Variants in RBFOX1 observed in about 807,000 individuals in gnomAD.
RBFOX1 encodes RNA binding fox-1 homolog 1.
RBFOX1 carries 8 observed loss-of-function variants against 57.7 expected under a neutral mutation model. That is an observed-to-expected ratio of 0.14 (90% CI 0.08 to 0.25). The LOEUF is 0.25. Among genes scored for constraint, RBFOX1 ranks in the 10% least tolerant of loss-of-function variants. The pLI, the probability that RBFOX1 is intolerant of heterozygous loss-of-function variation, is 1.00. For synonymous variants in RBFOX1, 326 were observed against 222.4 expected (o/e 1.47, Z -4.15); for missense variants, 611 against 548.5 (o/e 1.11, Z -1.14).
intron 2 of RBFOX1, among the ~76,000 whole-genome samples, chr16:6,573,020 G>C (rs999003708): frequency 6.6e-6 from 1 of 152,160 alleles, no homozygotes. Context: ...TCTATTAAGA[G>C]ATCAAGTCAA....
At chr16:5,494,027 G>C (rs1390649670) in intron 2 of RBFOX1, among the ~76,000 whole-genome samples, 2 of 152,212 alleles carry the variant, frequency 1.3e-5, no homozygotes, top group Non-Finnish European at 2.9e-5. Flanking sequence ...AGACTCACGA[G>C]GTGATTTACT....
intron 6 of RBFOX1, among the ~76,000 whole-genome samples, chr16:7,581,693 C>T (rs2093776498): frequency 6.6e-6 from 1 of 152,050 alleles, no homozygotes; most frequent in Non-Finnish European, 1.5e-5. Flanking sequence ...GGTCATCAGA[C>T]CTTGATCCAA....
intron 1 of RBFOX1, among the ~76,000 whole-genome samples, chr16:6,272,246 A>T (rs1182347717): frequency 2.0e-5 from 3 of 152,168 alleles, no homozygotes; most frequent in Non-Finnish European, 4.4e-5. Context: ...AAAATTCAAC[A>T]CCCATTCATG....
chr16:7,326,833 T>G (rs2096617983), intron 4 of RBFOX1, among the ~76,000 whole-genome samples: 2 of 152,134 alleles, frequency 1.3e-5, no homozygotes, highest in African/African-American at 4.8e-5. Flanking sequence ...GTGATGACCT[T>G]GGAAACATAG....
At chr16:6,830,215 C>A (rs1482902687) in intron 3 of RBFOX1, among the ~76,000 whole-genome samples, 1 of 152,176 alleles carries the variant, frequency 6.6e-6, no homozygotes, top group East Asian at 1.9e-4. Context: ...CCATGCCTGG[C>A]TGAATGTATT....
intron 2 of RBFOX1, among the ~76,000 whole-genome samples, chr16:6,506,894 T>A (rs2096112490): frequency 6.6e-6 from 1 of 152,088 alleles, no homozygotes; most frequent in Admixed American, 6.6e-5. Flanking sequence ...GTGATCCACC[T>A]GCCTTGGCCT....
chr16:7,157,838 G>C (rs1471390701), intron 4 of RBFOX1, among the ~76,000 whole-genome samples: 1 of 152,148 alleles, frequency 6.6e-6, no homozygotes, highest in Non-Finnish European at 1.5e-5. Flanking sequence ...ATAAAAATCT[G>C]ATAGTCTACT....
At chr16:5,753,347 A>C (rs924734843) in intron 3 of RBFOX1, among the ~76,000 whole-genome samples, 1 of 152,174 alleles carries the variant, frequency 6.6e-6, no homozygotes, top group Non-Finnish European at 1.5e-5. Flanking sequence ...ATTTTACACT[A>C]TGTGCCCTGA....
intron 1 of RBFOX1, among the ~76,000 whole-genome samples, chr16:6,122,360 A>G (rs1258875583): frequency 4.2e-5 from 1 of 23,888 alleles, no homozygotes; most frequent in East Asian, 0.011. Context: ...AAAGATAAAC[A>G]CACACACACA....
intron 2 of RBFOX1, among the ~76,000 whole-genome samples, chr16:6,448,669 C>A (rs1050901952): frequency 6.6e-6 from 1 of 152,140 alleles, no homozygotes; most frequent in Non-Finnish European, 1.5e-5. Context: ...TGATTGAGAA[C>A]CCATGCTGTC....
intron 2 of RBFOX1, among the ~76,000 whole-genome samples, chr16:6,377,569 C>T (rs574719851): frequency 2.0e-5 from 3 of 152,248 alleles, no homozygotes; most frequent in Admixed American, 6.5e-5. Flanking sequence ...ACAACATGCA[C>T]TTCAGTGGAA....
At chr16:6,508,559 T>C (rs2096172447) in intron 2 of RBFOX1, among the ~76,000 whole-genome samples, 1 of 152,144 alleles carries the variant, frequency 6.6e-6, no homozygotes, top group Non-Finnish European at 1.5e-5. Context: ...ATGACTGTTG[T>C]CTATAAGGTC....
intron 3 of RBFOX1, among the ~76,000 whole-genome samples, chr16:6,737,650 G>C (rs2070778091): frequency 6.6e-6 from 1 of 152,166 alleles, no homozygotes; most frequent in South Asian, 2.1e-4. Context: ...AGAGTGAAGA[G>C]TGTTAATCAG....
At chr16:7,621,072 A>G (rs1041394887) in intron 10 of RBFOX1, among the ~76,000 whole-genome samples, 1 of 152,104 alleles carries the variant, frequency 6.6e-6, no homozygotes, top group African/African-American at 2.4e-5. Flanking sequence ...AAGAATCTGC[A>G]TTTAGAAGAG....
intron 4 of RBFOX1, among the ~76,000 whole-genome samples, chr16:7,436,206 A>G (rs1176842700): frequency 6.6e-6 from 1 of 152,254 alleles, no homozygotes; most frequent in East Asian, 1.9e-4. Context: ...AAGTCATTCT[A>G]TTCTTATTGT....
At chr16:7,104,327 C>T (rs542634129) in intron 4 of RBFOX1, among the ~76,000 whole-genome samples, 6 of 152,258 alleles carry the variant, frequency 3.9e-5, no homozygotes, top group East Asian at 1.9e-4. Flanking sequence ...GATGTAACTT[C>T]TCCTAAGGGG....
intron 4 of RBFOX1, among the ~76,000 whole-genome samples, chr16:7,487,199 C>G (rs559364628): frequency 2.0e-5 from 3 of 152,334 alleles, no homozygotes; most frequent in South Asian, 2.1e-4. Flanking sequence ...TGCGCCTTAA[C>G]CACTTTCAGG....
At chr16:5,693,610 T>G (rs2050760887) in intron 3 of RBFOX1, among the ~76,000 whole-genome samples, 1 of 152,096 alleles carries the variant, frequency 6.6e-6, no homozygotes, top group East Asian at 1.9e-4. Context: ...GGGTGGGTGG[T>G]GATGGATTTC....
chr16:5,466,172 A>T (rs1490431687), intron 1 of RBFOX1, among the ~76,000 whole-genome samples: 1 of 152,196 alleles, frequency 6.6e-6, no homozygotes, highest in Non-Finnish European at 1.5e-5. Flanking sequence ...CGTCAGAGAG[A>T]GAAAGAAAGA....
Sources: gnomAD v4.1 joint callset for allele counts (sites outside exome capture counted in the v4.1 genomes callset) on GRCh38, gnomAD v4.1.1 for gene constraint, MANE v1.5 for transcripts, NCBI Gene and HGNC (gene_info 2026-07-23, HGNC 2026-07-21) for gene names.